The following RELL1 variants were observed in gnomAD, a reference collection of about 807,000 sequenced individuals.
RELL1 encodes RELT-like protein 1.
A neutral mutation model predicts 23.0 loss-of-function variants in RELL1; 10 were observed. The observed-to-expected ratio is 0.43, with a 90% CI of 0.27 to 0.74. RELL1 has a LOEUF of 0.74. RELL1 is among the 30% of genes least tolerant of loss of function. RELL1 has a pLI of 0.19. For missense variants in RELL1, 315 were observed against 364.4 expected (o/e 0.86, Z 1.10); for synonymous variants, 146 against 146.8 (o/e 0.99, Z 0.04).
intron 1 of RELL1, among the ~76,000 whole-genome samples, chr4:37,681,518 G>GGTTTTTTTTTTTTTTTTTT (rs1722221044): frequency 1.8e-5 from 1 of 56,870 alleles, no homozygotes; most frequent in South Asian, 5.8e-4. Context: ...GTCTCCTTCT[G>GGTTTTTTTTTTTTTTTTTT]TTTTTTTTTT....
intron 3 of RELL1, among the ~76,000 whole-genome samples, chr4:37,646,772 T>C (rs186292283): frequency 6.6e-6 from 1 of 152,266 alleles, no homozygotes; most frequent in Non-Finnish European, 1.5e-5. Flanking sequence ...CTGTTACCCA[T>C]GCTGGAGTGC....
intron 6 of RELL1, among the ~76,000 whole-genome samples, chr4:37,627,947 G>A (rs1720005839): frequency 6.6e-6 from 1 of 152,168 alleles, no homozygotes; most frequent in Non-Finnish European, 1.5e-5. Context: ...TCTAGAACCA[G>A]AGAGTCTGGC....
intron 1 of RELL1, among the ~76,000 whole-genome samples, chr4:37,666,975 G>C (rs567243419): frequency 6.6e-6 from 1 of 152,294 alleles, no homozygotes; most frequent in African/African-American, 2.4e-5. Context: ...CCAAGGATCT[G>C]TCCCGGCTGA....
At chr4:37,599,388 A>C (rs1354291024) in intron 6 of RELL1, among the ~76,000 whole-genome samples, 1 of 152,142 alleles carries the variant, frequency 6.6e-6, no homozygotes, top group African/African-American at 2.4e-5. Flanking sequence ...GTGATAGTTG[A>C]TTGGTCGAAG....
intron 3 of RELL1, among the ~76,000 whole-genome samples, chr4:37,644,779 T>C (rs1392127549): frequency 6.6e-6 from 1 of 152,082 alleles, no homozygotes; most frequent in Non-Finnish European, 1.5e-5. Flanking sequence ...AAGAATTTAT[T>C]GAGTTAATGC....
intron 5 of RELL1, among the ~76,000 whole-genome samples, chr4:37,632,144 G>A (rs1253498471): frequency 7.5e-6 from 1 of 133,304 alleles, no homozygotes; most frequent in Non-Finnish European, 1.6e-5. Context: ...CAGCGTCAGA[G>A]TTGTCGTTTC....
downstream of RELL1, among the ~76,000 whole-genome samples, chr4:37,606,882 G>C (rs1303534158): frequency 6.6e-6 from 1 of 152,144 alleles, no homozygotes; most frequent in Non-Finnish European, 1.5e-5. This position sits in a 1 kb window ranked among gnomAD's most constrained non-coding sequence, Gnocchi z 4.1. Context: ...TAATTACAAA[G>C]GGAAAATAGT....
intron 1 of RELL1, among the ~76,000 whole-genome samples, chr4:37,673,178 T>C (rs1721894434): frequency 1.0e-5 from 1 of 96,840 alleles, no homozygotes; most frequent in Non-Finnish European, 2.1e-5. Context: ...ACTATATACT[T>C]TTTTTTTCTT....
chr4:37,587,295 G>T (rs1229995412), downstream of RELL1, among the ~76,000 whole-genome samples: 1 of 152,118 alleles, frequency 6.6e-6, no homozygotes, highest in African/African-American at 2.4e-5. Context: ...AATCACATCT[G>T]CAAATACCTT....
intron 1 of RELL1, among the ~76,000 whole-genome samples, chr4:37,656,455 C>T (rs2109291875): frequency 6.6e-6 from 1 of 152,254 alleles, no homozygotes; most frequent in East Asian, 1.9e-4. Context: ...GTATTGTGCA[C>T]TTAAAAATTT....
downstream of RELL1, chr4:37,589,985 C>A: frequency 1.2e-6 from 1 of 860,694 alleles, no homozygotes; most frequent in Non-Finnish European, 1.9e-6. Flanking sequence ...GAAAAGTAAT[C>A]ACAGAAATTA....
intron 1 of RELL1, among the ~76,000 whole-genome samples, chr4:37,659,444 G>C (rs574126366): frequency 1.3e-5 from 2 of 152,334 alleles, no homozygotes; most frequent in South Asian, 4.1e-4. Context: ...CCAATGGTCA[G>C]AGGAGCCGAG....
chr4:37,590,564 A>G (rs199818714), downstream of RELL1: 39 of 1,614,202 alleles, frequency 2.4e-5, no homozygotes, highest in Non-Finnish European at 3.3e-5. Flanking sequence ...TCTGAGGCAG[A>G]AAGTTTTGCC....
At chr4:37,613,558 C>T (rs983655549) in intron 6 of RELL1, among the ~76,000 whole-genome samples, 1 of 151,944 alleles carries the variant, frequency 6.6e-6, no homozygotes, top group Non-Finnish European at 1.5e-5. Flanking sequence ...AGAGTTCTCT[C>T]GAGATCTGGC....
At chr4:37,646,755 T>G (rs1483399213) in intron 3 of RELL1, among the ~76,000 whole-genome samples, 1 of 152,090 alleles carries the variant, frequency 6.6e-6, no homozygotes, top group Non-Finnish European at 1.5e-5. Context: ...TTTGACAGAG[T>G]CTCGCTCTGT....
chr4:37,624,047 G>A (rs1038113542), intron 6 of RELL1, among the ~76,000 whole-genome samples: 2 of 152,070 alleles, frequency 1.3e-5, no homozygotes, highest in African/African-American at 2.4e-5. Flanking sequence ...CTTCCGAGGG[G>A]GTCCCCAAGG....
At chr4:37,670,226 G>A (rs1486742162) in intron 1 of RELL1, among the ~76,000 whole-genome samples, 1 of 147,660 alleles carries the variant, frequency 6.8e-6, no homozygotes, top group Non-Finnish European at 1.5e-5. Flanking sequence ...TTTTTTAACT[G>A]TAAGTAACAG....
At chr4:37,680,650 C>T (rs922811851) in intron 1 of RELL1, among the ~76,000 whole-genome samples, 1 of 152,128 alleles carries the variant, frequency 6.6e-6, no homozygotes, top group Non-Finnish European at 1.5e-5. Flanking sequence ...GAGTTAAGAA[C>T]GCAATTACAG....
downstream of RELL1, among the ~76,000 whole-genome samples, chr4:37,605,853 A>AAAG (rs1491068622): frequency 2.7e-5 from 4 of 146,040 alleles, no homozygotes; most frequent in Non-Finnish European, 4.6e-5. Flanking sequence ...GAAGGAAAAG[A>AAAG]AAAGAAAAGA....
Sources: gnomAD v4.1 joint callset for allele counts (sites outside exome capture counted in the v4.1 genomes callset) on GRCh38, gnomAD v4.1.1 for gene constraint, Gnocchi (gnomAD v3.1) non-coding constraint, MANE v1.5 for transcripts, NCBI Gene and HGNC (gene_info 2026-07-23, HGNC 2026-07-21) for gene names.